The following ZNF644 variants were observed in gnomAD, a reference collection of about 807,000 sequenced individuals.
ZNF644 encodes the protein zinc finger motif enhancer binding protein 2.
Under a neutral mutation model 108.0 loss-of-function variants are expected in ZNF644, and 20 were observed. That is an observed-to-expected ratio of 0.19 (90% CI 0.13 to 0.27). ZNF644 has a LOEUF of 0.27. Ranked by LOEUF, ZNF644 falls within the 10% of genes least tolerant of loss-of-function variation. ZNF644 has a pLI of 1.00. For missense variants in ZNF644, 1,338 were observed against 1,548.9 expected, an observed-to-expected ratio of 0.86 and a Z score of 2.29; for synonymous variants, 542 against 539.1, an observed-to-expected ratio of 1.01 and a Z score of -0.08.
chr1:91,021,641 C>CG (rs1266116266), intron 1 of ZNF644: 3 of 141,536 alleles, frequency 2.1e-5, no homozygotes, highest in South Asian at 5.0e-4. Context: ...AAAGCCCCCC[C>CG]CCCATCCCCC....
intron 4 of ZNF644, among the ~76,000 whole-genome samples, chr1:90,928,337 T>TTTTTTA (rs1650303525): frequency 2.2e-5 from 2 of 90,800 alleles, no homozygotes; most frequent in African/African-American, 7.9e-5. Flanking sequence ...TTTTTTTTTT[T>TTTTTTA]GAGGAGTTTT....
rs774075305 is a variant in ZNF644, at chr1:90,919,492, T to C, written c.3689-1338A>G. 1.1e-4 allele frequency among the ~76,000 whole-genome samples: 16 copies of C among 152,156 alleles called. 1 individual carries two copies. The Middle Eastern group carries it at 0.01, about 97-fold the overall frequency. On this transcript the variant is annotated intron_variant, in intron 4 of 5. Transcript: ENST00000337393. ...GATAACAGAAATGTCATATAGAAAA[T>C]TCAAAACCACAAGAAACCTAAATCT...
chr1:90,918,912 C>T (rs2100768389), intron 4 of ZNF644, among the ~76,000 whole-genome samples: 1 of 151,996 alleles, frequency 6.6e-6, no homozygotes. Context: ...TTAATGCTAA[C>T]TATTCTTTAC....
chr1:90,939,399 G>T lies in ZNF644; in HGVS notation c.1955C>A (p.Pro652Gln). ...ATCTTGTTTTAAAGCAGAGTTCTTTGGAAATGTGGTTGACTGTTGTTTAGT... is the reference window on the plus strand; with the variant it reads ...ATCTTGTTTTAAAGCAGAGTTCTTTTGAAATGTGGTTGACTGTTGTTTAGT... ...TLTKQQSTTF[P>Q]KNSALKQDVK... Residue 652 changes from proline (P) to glutamine (Q), a missense_variant, in exon 3 of 6, where the codon CCA (proline) becomes CAA (glutamine). Physicochemically the swap from Pro to Gln is moderately conservative, Grantham distance 76. Transcript: ENST00000337393. 6.2e-7 allele frequency: 1 copy of T among 1,613,902 alleles called. No homozygotes were observed. Among genetic ancestry groups the T allele is most frequent in the Non-Finnish European group, 8.5e-7 (1 of 1,179,936 alleles).
intron 4 of ZNF644, among the ~76,000 whole-genome samples, chr1:90,933,523 G>C (rs1031598083): frequency 5.3e-5 from 8 of 152,000 alleles, no homozygotes; most frequent in Non-Finnish European, 1.2e-4. Flanking sequence ...AATTTGCCAG[G>C]CATGATGGCA....
chr1:91,015,127 T>C (rs576857909), intron 1 of ZNF644, among the ~76,000 whole-genome samples: 2 of 152,308 alleles, frequency 1.3e-5, no homozygotes, highest in Non-Finnish European at 2.9e-5. Flanking sequence ...AAACTTACAA[T>C]TTCATACTAG....
In ZNF644 at chr1:90,939,009, T is replaced by G; in HGVS notation, c.2345A>C (p.His782Pro). ...ATGAGGGTCTGAAATAAAATTGTTG[T>G]GAGAATTACTTGATGATGAAAACAG... ...LHLFSSSSNS[H>P]NNFISDPHKP... Residue 782 changes from histidine (H) to proline (P), a missense_variant, in exon 3 of 6, where the codon CAC becomes CCC. Physicochemically the swap from His to Pro is moderately conservative, Grantham distance 77 (BLOSUM62 -2). Coordinates refer to ENST00000337393, the MANE Select transcript of ZNF644 (RefSeq NM_201269.3). The G allele has an allele frequency of 6.2e-7, 1 of 1,614,052 alleles. No homozygotes were observed. Among genetic ancestry groups the G allele is most frequent in the Non-Finnish European group, 8.5e-7 (1 of 1,179,928 alleles).
intron 1 of ZNF644, among the ~76,000 whole-genome samples, chr1:91,000,445 A>G (rs958474011): frequency 6.6e-6 from 1 of 152,232 alleles, no homozygotes; most frequent in African/African-American, 2.4e-5. Context: ...ACTATTGGGT[A>G]CATAACGAAA....
At chr1:90,921,206 G>A (rs1649392312) in intron 4 of ZNF644, among the ~76,000 whole-genome samples, 1 of 151,936 alleles carries the variant, frequency 6.6e-6, no homozygotes, top group Non-Finnish European at 1.5e-5. Context: ...GTTTTGTTCT[G>A]GACTGTACCA....
At chr1:90,991,806 G>A (rs1657661382) in intron 1 of ZNF644, among the ~76,000 whole-genome samples, 1 of 152,088 alleles carries the variant, frequency 6.6e-6, no homozygotes, top group Non-Finnish European at 1.5e-5. Flanking sequence ...CCAACATTGG[G>A]AATTACAATT....
At chr1:90,961,248 T>A (rs889106421) in intron 2 of ZNF644, among the ~76,000 whole-genome samples, 4 of 152,152 alleles carry the variant, frequency 2.6e-5, no homozygotes, top group Non-Finnish European at 4.4e-5. Context: ...GATTAAAGTG[T>A]CTTAGGTTTC....
rs1648780348 is a variant in ZNF644 at position 90,916,536 on chromosome 1, T to C, written c.*262A>G. The C allele has an allele frequency of 2.1e-6, 1 of 468,890 alleles. No individual in the cohort carries two copies. The highest frequency in any genetic ancestry group is 2.0e-5 in the African/African-American group (1 of 51,166). 29.0% of individuals were successfully genotyped at this position (468,890 alleles called of 1,614,324 possible). ...TGTGCAACAGTTTATTAATGGCTGC[T>C]TACATGTACTGCTCTTTTACTGAGT... On this transcript the variant is annotated 3_prime_UTR_variant, in exon 6 of 6. Transcript: ENST00000337393.
chr1:91,019,258 T>A lies in ZNF644; in HGVS notation c.-18+2732A>T, dbSNP rs140398723. Among the ~76,000 whole-genome samples, 135 of 152,302 alleles carry A rather than the reference T, an allele frequency of 8.9e-4. 4 individuals are homozygous for A. The East Asian group carries it at 0.024, about 27-fold the overall frequency. ...TTTTAAAGAAAGGGAACATTCTGAG[T>A]GGCACATTCGTTTATCCAACCAAAA... On this transcript the variant is annotated intron_variant, in intron 1 of 5. Coordinates refer to ENST00000337393, the MANE Select transcript of ZNF644 (RefSeq NM_201269.3).
rs1427241834 is a variant in ZNF644 at position 90,940,800 on chromosome 1, T to C, written c.554A>G (p.Lys185Arg). The change falls in exon 3 of 6, where the codon AAG becomes AGG. Residue 185 changes from lysine (K) to arginine (R), a missense_variant. Physicochemically the swap from Lys to Arg is conservative, Grantham distance 26. Transcript: ENST00000337393. The stretch of plus-strand genomic sequence containing the variant: ...TTTTTTATTGGAATGGGTGGGATTC[T>C]TAGCATGTGCTACATCTGATAACAA... ...LFLLSDVAHAKNPTHSNKKLP... is the reference protein window; with the variant it reads ...LFLLSDVAHARNPTHSNKKLP... 3.7e-6 allele frequency: 6 copies of C among 1,613,864 alleles called. No individual in the cohort carries two copies. In the African/African-American group the frequency reaches 8.0e-5, roughly 22 times the overall value.
chr1:90,966,183 T>C (rs1411432775), intron 2 of ZNF644, among the ~76,000 whole-genome samples: 1 of 152,246 alleles, frequency 6.6e-6, no homozygotes, highest in Non-Finnish European at 1.5e-5. Context: ...TTCACATTTG[T>C]GTCCATCTCC....
rs541245256 is a variant in ZNF644 at position 90,919,444 on chromosome 1, T to C, written c.3689-1290A>G. ...GCTACTATTACAAAACCAGTAAACA[T>C]AGTTCCTTAGTCAAATGGCAATGAT... On this transcript the variant is annotated intron_variant, in intron 4 of 5. Coordinates refer to ENST00000337393, the MANE Select transcript of ZNF644 (RefSeq NM_201269.3). 9.2e-5 allele frequency among the ~76,000 whole-genome samples: 14 copies of C among 152,242 alleles called. No homozygotes were observed. In the South Asian group the frequency reaches 2.5e-3, roughly 27 times the overall value.
chr1:91,003,071 A>G (rs1034786087), intron 1 of ZNF644, among the ~76,000 whole-genome samples: 1 of 152,258 alleles, frequency 6.6e-6, no homozygotes, highest in African/African-American at 2.4e-5. Context: ...GAATGCTTTT[A>G]CACTGTTGGT....
chr1:90,946,904 C>G (rs1443175383), intron 2 of ZNF644, among the ~76,000 whole-genome samples: 1 of 152,024 alleles, frequency 6.6e-6, no homozygotes, highest in African/African-American at 2.4e-5. Flanking sequence ...AGTCAGGTAC[C>G]AGACCATAAA....
intron 2 of ZNF644, among the ~76,000 whole-genome samples, chr1:90,967,433 C>A (rs892748920): frequency 2.0e-5 from 3 of 152,176 alleles, no homozygotes; most frequent in African/African-American, 7.2e-5. Context: ...TTATTGATTT[C>A]TCTCTCCTAA....
Sources: gnomAD v4.1 joint callset for allele counts (sites outside exome capture counted in the v4.1 genomes callset) on GRCh38, gnomAD v4.1.1 for gene constraint, MANE v1.5 for transcripts, NCBI Gene and HGNC (gene_info 2026-07-23, HGNC 2026-07-21) for gene names.